Variants in GRIN2A observed in about 807,000 individuals in gnomAD.
The protein encoded by GRIN2A is glutamate ionotropic receptor NMDA type subunit 2A, also known as glutamate receptor ionotropic, NMDA 2A.
Under a neutral mutation model 113.4 loss-of-function variants are expected in GRIN2A, and 22 were observed. That is an observed-to-expected ratio of 0.19 (90% CI 0.14 to 0.28). The LOEUF (loss-of-function observed/expected upper bound fraction) is 0.28, where lower values mean the gene tolerates loss of function less well. Ranked by LOEUF, GRIN2A falls within the 10% of genes least tolerant of loss-of-function variation. The probability of loss-of-function intolerance (pLI) is 1.00; values close to 1 mark genes in which losing one functional copy is unlikely to be tolerated. For missense variants in GRIN2A, 1,502 were observed against 1,887.0 expected, an observed-to-expected ratio of 0.80 and a Z score of 3.78; for synonymous variants, 827 against 738.4, an observed-to-expected ratio of 1.12 and a Z score of -1.94.
chr16:9,797,621 A>C (rs1193490575), intron 11 of GRIN2A, among the ~76,000 whole-genome samples: 6 of 152,210 alleles, frequency 3.9e-5, no homozygotes, highest in Non-Finnish European at 5.9e-5. Flanking sequence ...GTCATGCCTG[A>C]TAAGTCTAGG....
chr16:10,121,540 C>A (rs886568056), intron 2 of GRIN2A: 1 of 152,134 alleles, frequency 6.6e-6, no homozygotes, highest in East Asian at 1.9e-4. Context: ...AGGCAGGTCT[C>A]AAGAAACAAA....
intron 11 of GRIN2A, among the ~76,000 whole-genome samples, chr16:9,787,429 C>T (rs1052336032): frequency 1.3e-5 from 2 of 152,210 alleles, no homozygotes; most frequent in African/African-American, 4.8e-5. Flanking sequence ...CGGGTTATCC[C>T]GCCCTATCAG....
intron 4 of GRIN2A, 91 bp from the exon 5 acceptor site, chr16:9,850,052 G>A (rs1300476325): frequency 5.6e-6 from 6 of 1,068,910 alleles, no homozygotes; most frequent in Admixed American, 3.5e-5. Flanking sequence ...ACATCCATCC[G>A]TCTCAAGGGC....
chr16:9,766,214 T>C (rs1281975015), intron 12 of GRIN2A, among the ~76,000 whole-genome samples: 1 of 152,238 alleles, frequency 6.6e-6, no homozygotes, highest in Non-Finnish European at 1.5e-5. Context: ...CAGTGGCTGC[T>C]GACTTTGGCA....
chr16:10,128,889 C>G (rs925627248), intron 2 of GRIN2A, among the ~76,000 whole-genome samples: 2 of 152,226 alleles, frequency 1.3e-5, no homozygotes, highest in Non-Finnish European at 2.9e-5. Context: ...CATAGAAATT[C>G]TGGCTCCCAG....
chr16:9,755,947 T>G lies in GRIN2A; in HGVS notation c.*7202A>C, dbSNP rs1473723893. On this transcript the variant is annotated 3_prime_UTR_variant, in exon 13 of 13. Coordinates refer to ENST00000330684, the MANE Select transcript of GRIN2A (RefSeq NM_001134407.3). ...TTCTGACTACCAAAGCTCTCCATCATTCATGCAGAAACTCTATTTCCTATT... is the reference window on the plus strand; with the variant it reads ...TTCTGACTACCAAAGCTCTCCATCAGTCATGCAGAAACTCTATTTCCTATT... 9.2e-6 allele frequency: 2 copies of G among 217,086 alleles called. No homozygotes were observed. The highest frequency in any genetic ancestry group is 2.2e-5 in the African/African-American group (1 of 44,522). The allele number at this position is 217,086 out of a possible 1,614,324, so 13.4% of individuals were successfully genotyped here.
intron 2 of GRIN2A, among the ~76,000 whole-genome samples, chr16:10,039,274 T>G (rs957517173): frequency 4.6e-5 from 7 of 152,296 alleles, no homozygotes; most frequent in Non-Finnish European, 8.8e-5. Flanking sequence ...TTTTCTCAGA[T>G]GCTCTCTTGC....
At chr16:9,896,130 A>T (rs2043800540) in intron 3 of GRIN2A, among the ~76,000 whole-genome samples, 1 of 151,960 alleles carries the variant, frequency 6.6e-6, no homozygotes, top group African/African-American at 2.4e-5. Context: ...GCTCACTGCA[A>T]CCTTCACCTC....
chr16:10,081,801 A>C (rs1374758279), intron 2 of GRIN2A, among the ~76,000 whole-genome samples: 3 of 152,176 alleles, frequency 2.0e-5, no homozygotes, highest in African/African-American at 7.2e-5. Flanking sequence ...GACCAGGGTC[A>C]GGCTATGGAA....
At chr16:9,955,743 T>A (rs2045292217) in intron 2 of GRIN2A, among the ~76,000 whole-genome samples, 1 of 152,240 alleles carries the variant, frequency 6.6e-6, no homozygotes, top group South Asian at 2.1e-4. Flanking sequence ...TGTTTTGGTT[T>A]ACTAGTTTAC....
intron 2 of GRIN2A, among the ~76,000 whole-genome samples, chr16:10,100,773 A>T (rs1202915380): frequency 6.6e-6 from 1 of 152,200 alleles, no homozygotes. Context: ...TAGCGCCCAG[A>T]AAGTGTAAGT....
At chr16:9,914,904 GCTTTTTTTTTTTTTTT>G (rs2044213165) in intron 3 of GRIN2A, among the ~76,000 whole-genome samples, 1 of 48,692 alleles carries the variant, frequency 2.1e-5, no homozygotes, top group African/African-American at 7.1e-5. Flanking sequence ...TGATTATGCA[GCTTTTTTTTTTTTTTT>G]TTTTTTTTTT....
At chr16:10,176,969 A>G (rs1439611489) in intron 2 of GRIN2A, among the ~76,000 whole-genome samples, 1 of 152,238 alleles carries the variant, frequency 6.6e-6, no homozygotes, top group Non-Finnish European at 1.5e-5. Flanking sequence ...GTAGAAGTAA[A>G]TATAACACAC....
intron 2 of GRIN2A, among the ~76,000 whole-genome samples, chr16:10,067,395 G>A (rs9933478): frequency 0.1 from 14,573 of 141,438 alleles, 775 homozygotes; most frequent in African/African-American, 0.15. Context: ...ATCTCATGCT[G>A]AACAATTAGA....
chr16:10,101,171 T>A (rs2048387152), intron 2 of GRIN2A, among the ~76,000 whole-genome samples: 1 of 152,240 alleles, frequency 6.6e-6, no homozygotes, highest in Non-Finnish European at 1.5e-5. Context: ...TCTGTTAGGT[T>A]GGCAGAGACT....
chr16:9,780,521 C>T (rs1901878414), intron 11 of GRIN2A, among the ~76,000 whole-genome samples: 1 of 152,200 alleles, frequency 6.6e-6, no homozygotes, highest in African/African-American at 2.4e-5. Flanking sequence ...AAAACCACCC[C>T]ATGGTCATGG....
At chr16:9,810,025 G>A (rs1335396771) in intron 10 of GRIN2A, among the ~76,000 whole-genome samples, 4 of 152,054 alleles carry the variant, frequency 2.6e-5, no homozygotes, top group Admixed American at 6.6e-5. Context: ...CCGAGATCGC[G>A]CCGTTGCACT....
At chr16:10,092,024 A>G (rs1283614575) in intron 2 of GRIN2A, among the ~76,000 whole-genome samples, 2 of 152,234 alleles carry the variant, frequency 1.3e-5, no homozygotes, top group African/African-American at 4.8e-5. Flanking sequence ...AGTAAATTAT[A>G]TATCAATAAA....
chr16:9,863,538 C>T (rs2043108515), intron 4 of GRIN2A, among the ~76,000 whole-genome samples: 1 of 152,142 alleles, frequency 6.6e-6, no homozygotes, highest in Non-Finnish European at 1.5e-5. Context: ...TGTTGAATTC[C>T]ACTGCTACCA....
Sources: gnomAD v4.1 joint callset for allele counts (sites outside exome capture counted in the v4.1 genomes callset) on GRCh38, gnomAD v4.1.1 for gene constraint, MANE v1.5 for transcripts, NCBI Gene and HGNC (gene_info 2026-07-23, HGNC 2026-07-21) for gene names.